The following NFASC variants were observed in gnomAD, a reference collection of about 807,000 sequenced individuals.
The protein encoded by NFASC is neurofascin homolog.
In NFASC, 43 loss-of-function variants were observed where a neutral mutation model predicts 147.5. The observed-to-expected ratio is 0.29, with a 90% CI of 0.23 to 0.38. The LOEUF is 0.38. NFASC is among the 10% of genes least tolerant of loss of function. NFASC has a pLI of 1.00. For missense variants in NFASC, 1,320 were observed against 1,689.0 expected (o/e 0.78, Z 3.83); for synonymous variants, 622 against 665.5 (o/e 0.93, Z 1.01).
chr1:204,846,952 C>CGTGTGTGTGTCTGTGTGTGTGT (rs1034512647), intron 1 of NFASC, among the ~76,000 whole-genome samples: 2 of 124,650 alleles, frequency 1.6e-5, no homozygotes, highest in African/African-American at 6.2e-5. Context: ...TGTGTGTACG[C>CGTGTGTGTGTCTGTGTGTGTGT]GTGTGTGTGT....
chr1:205,007,085 G>A (rs1025844393), intron 27 of NFASC, among the ~76,000 whole-genome samples: 3 of 152,102 alleles, frequency 2.0e-5, no homozygotes, highest in Admixed American at 1.3e-4. Context: ...GGGTGGAAGA[G>A]CATAGAGCGT....
At chr1:205,003,702 A>C (rs932007450) in intron 27 of NFASC, among the ~76,000 whole-genome samples, 6 of 152,182 alleles carry the variant, frequency 3.9e-5, no homozygotes, top group Admixed American at 2.6e-4. Context: ...GAGGGGAAAA[A>C]ACACACAGTG....
intron 3 of NFASC, chr1:204,946,845 G>T: frequency 2.0e-6 from 1 of 489,248 alleles, no homozygotes; most frequent in South Asian, 1.4e-5. Flanking sequence ...TACCCCACAA[G>T]ACCAAGCGAG....
chr1:204,902,000 G>C (rs1220155851), intron 1 of NFASC, among the ~76,000 whole-genome samples: 3 of 152,050 alleles, frequency 2.0e-5, no homozygotes, highest in Non-Finnish European at 2.9e-5. Flanking sequence ...AGTAAATGAA[G>C]GGAGAACCCC....
chr1:204,835,273 T>G (rs968730896), intron 1 of NFASC, among the ~76,000 whole-genome samples: 1 of 136,156 alleles, frequency 7.3e-6, no homozygotes, highest in Non-Finnish European at 1.5e-5. Flanking sequence ...CAGGCTGGAG[T>G]GCAGTGGCAC....
At chr1:204,859,038 C>T (rs1230761886) in intron 1 of NFASC, among the ~76,000 whole-genome samples, 6 of 150,466 alleles carry the variant, frequency 4.0e-5, no homozygotes, top group African/African-American at 9.8e-5. Context: ...AGTGCAGTGA[C>T]GCAGTCTCGG....
At chr1:204,878,872 G>A (rs1283070150) in intron 1 of NFASC, among the ~76,000 whole-genome samples, 1 of 152,214 alleles carries the variant, frequency 6.6e-6, no homozygotes, top group Non-Finnish European at 1.5e-5. Flanking sequence ...TCTGGTTACT[G>A]AACACCATCC....
At chr1:204,962,589 A>G (rs1173971452) in intron 8 of NFASC, among the ~76,000 whole-genome samples, 1 of 152,236 alleles carries the variant, frequency 6.6e-6, no homozygotes, top group African/African-American at 2.4e-5. Context: ...TAGTATGTTC[A>G]GTTAACTCTA....
In NFASC at chr1:204,982,696, C is replaced by T. The variant is rs367948019; in HGVS notation, c.2470+676C>T. On this transcript the variant is annotated intron_variant, in intron 21 of 29. Coordinates refer to ENST00000339876, the MANE Select transcript of NFASC (RefSeq NM_001005388.3). ...CAGACGGTGGTGGCCTCTCTGTCCC[C>T]AGCACATCAATCCTGTAGGCTGCTA... 1.1e-4 allele frequency among the ~76,000 whole-genome samples: 17 copies of T among 152,332 alleles called. No individual in the cohort carries two copies. In the East Asian group the frequency reaches 2.5e-3, roughly 22 times the overall value.
At position 204,952,015 on chromosome 1, in the gene NFASC, G is replaced by T. The variant is rs111823167; in HGVS notation, c.114G>T (p.Thr38=). ...GCTCCCTGTGCACTGTTGCAGTGAC[G>T]CAGCCGCCAACCATCACCAAGCAGT... is the stretch of plus-strand genomic sequence containing the variant. The part of the protein sequence containing the change: ...PMDPSIQNEL[T]QPPTITKQSA... The change falls in exon 5 of 30, where the codon ACG becomes ACT. Residue 38 remains threonine, a synonymous_variant. Coordinates refer to ENST00000339876, the MANE Select transcript of NFASC (RefSeq NM_001005388.3). 9.3e-6 allele frequency: 15 copies of T among 1,613,734 alleles called. No homozygotes were observed. The East Asian group carries it at 3.3e-4, about 36-fold the overall frequency.
At position 204,896,602 on chromosome 1, in the gene NFASC, G is replaced by T. The variant is rs571220684; in HGVS notation, c.-199-24030G>T. Among the ~76,000 whole-genome samples, 8 of 152,158 alleles carry T rather than the reference G, an allele frequency of 5.3e-5. No homozygotes were observed. The South Asian group carries it at 1.7e-3, about 32-fold the overall frequency. On this transcript the variant is annotated intron_variant, in intron 1 of 29. Transcript: ENST00000339876. ...ACACTCAGGAAGGGACACAAGCCAGGGTCTCTCATTCATTTGTTCGTTTAG... is the reference window on the plus strand; with the variant it reads ...ACACTCAGGAAGGGACACAAGCCAGTGTCTCTCATTCATTTGTTCGTTTAG...
In NFASC at chr1:205,015,520, C is replaced by T. The variant is rs552019564; in HGVS notation, c.3492-788C>T. ...AACTGGGTGGCTGTTCCCAGCGGCC[C>T]GTGCAGCTTTACTCGGCAGCCTCCC... On this transcript the variant is annotated intron_variant, in intron 29 of 29. Coordinates refer to ENST00000339876, the MANE Select transcript of NFASC (RefSeq NM_001005388.3). The surrounding 1 kb of genome is among the most constrained non-coding windows in gnomAD (Gnocchi z 4.0). Among the ~76,000 whole-genome samples, 18 of 152,244 alleles carry T rather than the reference C, an allele frequency of 1.2e-4. No individual in the cohort carries two copies. The highest frequency in any genetic ancestry group is 1.9e-4 in the Non-Finnish European group (13 of 68,026).
At position 204,961,300 on chromosome 1, in the gene NFASC, A is replaced by G. The variant is rs993107955; in HGVS notation, c.706+3474A>G. Among the ~76,000 whole-genome samples the G allele has an allele frequency of 3.9e-5, 6 of 152,178 alleles. No homozygotes were observed. The East Asian group carries it at 1.2e-3, about 29-fold the overall frequency. The stretch of plus-strand genomic sequence containing the variant: ...CCATAAGGAATGTCTTCAATCCTGC[A>G]TAGTCTAGAGAGCTTCGAACCTCCA... On this transcript the variant is annotated intron_variant, in intron 8 of 29. Transcript: ENST00000339876.
chr1:204,917,358 A>G, intron 1 of NFASC, among the ~76,000 whole-genome samples: 1 of 152,128 alleles, frequency 6.6e-6, no homozygotes. Flanking sequence ...CACTTAAAAT[A>G]TTTTTTTACT....
intron 8 of NFASC, chr1:204,967,944 C>CGGTGGTCGCCGTATCATTAAAAAA: frequency 6.8e-6 from 2 of 292,324 alleles, no homozygotes; most frequent in Non-Finnish European, 1.3e-5. Flanking sequence ...GAGTAGATCT[C>CGGTGGTCGCCGTATCATTAAAAAA]GCACTGCTCA....
chr1:204,882,707 G>A (rs746926321), intron 1 of NFASC, among the ~76,000 whole-genome samples: 21 of 152,154 alleles, frequency 1.4e-4, no homozygotes, highest in Non-Finnish European at 2.6e-4. Context: ...GTAAATATTT[G>A]ATGAATAAGT....
In NFASC at chr1:205,014,912, C is replaced by T. The variant is rs74138693; in HGVS notation, c.3492-1396C>T. ...CTGGCGATTTCCCTCCTCCAGTTGG[C>T]AAACAGTGACTTCCGCTTCCTGCAC... On this transcript the variant is annotated intron_variant, in intron 29 of 29. Transcript: ENST00000339876. Among the ~76,000 whole-genome samples the T allele has an allele frequency of 5.3e-3, 803 of 152,262 alleles. 8 individuals are homozygous for T. The highest frequency in any genetic ancestry group is 0.018 in the African/African-American group (763 of 41,552).
chr1:204,936,400 C>T (rs188343011), intron 2 of NFASC, among the ~76,000 whole-genome samples: 1 of 152,046 alleles, frequency 6.6e-6, no homozygotes, highest in Non-Finnish European at 1.5e-5. Flanking sequence ...TGGGATTTCA[C>T]CATGTTGGCA....
intron 1 of NFASC, among the ~76,000 whole-genome samples, chr1:204,910,525 C>A (rs1414556376): frequency 6.7e-6 from 1 of 148,878 alleles, no homozygotes; most frequent in Admixed American, 6.8e-5. Flanking sequence ...CATCTTAGCT[C>A]ACTGCAGCCT....
Sources: gnomAD v4.1 joint callset for allele counts (sites outside exome capture counted in the v4.1 genomes callset) on GRCh38, gnomAD v4.1.1 for gene constraint, Gnocchi (gnomAD v3.1) non-coding constraint, MANE v1.5 for transcripts, NCBI Gene and HGNC (gene_info 2026-07-23, HGNC 2026-07-21) for gene names.